SNRNP70: variants seen among roughly 807,000 people sequenced by gnomAD.
SNRNP70 encodes the protein U1 small nuclear ribonucleoprotein 70 kDa.
A neutral mutation model predicts 50.5 loss-of-function variants in SNRNP70; 8 were observed. The observed-to-expected ratio is 0.16, with a 90% confidence interval of 0.09 to 0.29. The LOEUF (loss-of-function observed/expected upper bound fraction) is 0.29. Ranked by LOEUF, SNRNP70 falls within the 10% of genes least tolerant of loss-of-function variation. The pLI, the probability that SNRNP70 is intolerant of heterozygous loss-of-function variation, is 1.00. For missense variants in SNRNP70, 529 were observed against 663.5 expected, an observed-to-expected ratio of 0.80 and a Z score of 2.23; for synonymous variants, 320 against 252.9, an observed-to-expected ratio of 1.27 and a Z score of -2.52.
chr19:49,103,145 G>A (rs748535434), intron 7 of SNRNP70: 1 of 152,668 alleles, frequency 6.6e-6, no homozygotes, highest in African/African-American at 2.4e-5. Context: ...GGTGGGCTGT[G>A]TGCCTAGTTC....
chr19:49,106,703 T>C (rs1290042954), intron 8 of SNRNP70, among the ~76,000 whole-genome samples: 2 of 152,194 alleles, frequency 1.3e-5, no homozygotes, highest in Admixed American at 1.3e-4. Context: ...GCACCTTCTT[T>C]GCTGAGTCAC....
At chr19:49,085,954 G>A (rs889157235) in intron 1 of SNRNP70, among the ~76,000 whole-genome samples, 6 of 152,168 alleles carry the variant, frequency 3.9e-5, no homozygotes, top group African/African-American at 1.2e-4. Flanking sequence ...ACAAGCACTT[G>A]GTTTTGGGGC....
chr19:49,095,215 G>T (rs2040497933), intron 4 of SNRNP70, among the ~76,000 whole-genome samples: 1 of 152,228 alleles, frequency 6.6e-6, no homozygotes, highest in Admixed American at 6.5e-5. Context: ...CAGTGTGCTG[G>T]GGTGGTTTCC....
intron 2 of SNRNP70, among the ~76,000 whole-genome samples, chr19:49,088,427 C>A (rs1038396519): frequency 3.3e-5 from 5 of 150,900 alleles, no homozygotes; most frequent in Non-Finnish European, 7.4e-5. Flanking sequence ...TCTTGATCTC[C>A]TGACCTTGTG....
Position 49,096,604 on chromosome 19 carries a change from A to G in SNRNP70, c.266-1823A>G, listed in dbSNP as rs139293514. ...AACATAGTGAAACCCCGTCTCTACTAAAAATACAAAAGATTAGCTGGGTGT... is the reference window on the plus strand; with the variant it reads ...AACATAGTGAAACCCCGTCTCTACTGAAAATACAAAAGATTAGCTGGGTGT... On this transcript the variant is annotated intron_variant, in intron 4 of 9. Coordinates refer to ENST00000598441, the MANE Select transcript of SNRNP70 (RefSeq NM_003089.6). Among the ~76,000 whole-genome samples the G allele has an allele frequency of 2.0e-3, 303 of 150,722 alleles. 1 individual carries two copies. Among genetic ancestry groups the G allele is most frequent in the Middle Eastern group, 7.1e-3 (2 of 282 alleles).
chr19:49,085,983 C>T (rs912024950), intron 1 of SNRNP70, among the ~76,000 whole-genome samples: 1 of 152,210 alleles, frequency 6.6e-6, no homozygotes, highest in Admixed American at 6.5e-5. Flanking sequence ...TTATGTTTCT[C>T]TTTCTTTGCT....
At chr19:49,106,482 C>A (rs1170487717) in intron 8 of SNRNP70, among the ~76,000 whole-genome samples, 1 of 152,128 alleles carries the variant, frequency 6.6e-6, no homozygotes, top group African/African-American at 2.4e-5. Flanking sequence ...TGGGTCATGA[C>A]CTGAATATAG....
Position 49,108,125 on chromosome 19 carries a change from A to G in SNRNP70, c.996A>G (p.Pro332=), listed in dbSNP as rs768098469. ...AGDAPPDDGP[P]GELGPDGPDG... ...ACGCGCCCCCTGATGATGGGCCTCC[A>G]GGGGAGCTCGGGCCTGACGGCCCTG... is the stretch of plus-strand genomic sequence containing the variant. Residue 332 remains proline, a synonymous_variant, in exon 10 of 10, where the codon CCA becomes CCG. Transcript: ENST00000598441. The G allele has an allele frequency of 3.2e-6, 5 of 1,547,318 alleles. No individual in the cohort carries two copies. The East Asian group carries it at 9.4e-5, about 29-fold the overall frequency.
Position 49,107,304 on chromosome 19 carries a change from T to C in SNRNP70, c.578-321T>C, listed in dbSNP as rs914155308. Among the ~76,000 whole-genome samples the C allele has an allele frequency of 3.3e-5, 5 of 152,198 alleles. No individual in the cohort carries two copies. On this transcript the variant is annotated intron_variant, in intron 8 of 9. Transcript: ENST00000598441. This position sits in a 1 kb window ranked among gnomAD's most constrained non-coding sequence, Gnocchi z 6.0. ...GTGGAAAGATCATTGGCTTCGGGTT[T>C]CTGTGAGGGCGAGGATGATTGGAAG...
At position 49,108,050 on chromosome 19, in the gene SNRNP70, G is replaced by T. The variant is rs1267984054; in HGVS notation, c.921G>T (p.Glu307Asp). ...ERARRERERK[E>D]ELRGGGGDMA... ...CCCGGCGGGAGCGGGAGCGCAAGGAGGAGCTGCGTGGCGGCGGTGGCGACA... is the reference window on the plus strand; with the variant it reads ...CCCGGCGGGAGCGGGAGCGCAAGGATGAGCTGCGTGGCGGCGGTGGCGACA... The change falls in exon 10 of 10, where the codon GAG becomes GAT. Residue 307 changes from glutamate (E) to aspartate (D), a missense_variant. Transcript: ENST00000598441. 1 of 1,550,564 alleles carries T rather than the reference G, an allele frequency of 6.4e-7. No homozygotes were observed. Among genetic ancestry groups the T allele is most frequent in the South Asian group, 1.2e-5 (1 of 84,190 alleles).
intron 4 of SNRNP70, among the ~76,000 whole-genome samples, chr19:49,093,840 C>A (rs1383867876): frequency 6.6e-6 from 1 of 150,924 alleles, no homozygotes; most frequent in Non-Finnish European, 1.5e-5. Context: ...CTAAAAATAC[C>A]AAAACAAAAA....
At position 49,104,553 on chromosome 19, in the gene SNRNP70, G is replaced by C. The variant is rs763676352; in HGVS notation, c.476-81G>C. The C allele has an allele frequency of 1.9e-6, 2 of 1,059,530 alleles. No homozygotes were observed. The highest frequency in any genetic ancestry group is 2.8e-6 in the Non-Finnish European group (2 of 703,682). 65.6% of individuals were successfully genotyped at this position (1,059,530 alleles called of 1,614,324 possible). A position where few individuals can be genotyped will look rare whatever the true frequency, so the allele number is the denominator to read the frequency against. ...CGTGATGATGGGGACACGGGGCGGGGATTCTGTAGAGCTGGGCCTGTCCTG... is the reference window on the plus strand; with the variant it reads ...CGTGATGATGGGGACACGGGGCGGGCATTCTGTAGAGCTGGGCCTGTCCTG... On this transcript the variant is annotated intron_variant, in intron 7 of 9. Transcript: ENST00000598441. The surrounding 1 kb of genome is among the most constrained non-coding windows in gnomAD (Gnocchi z 5.4).
intron 7 of SNRNP70, chr19:49,102,295 C>T (rs1400670334): frequency 3.5e-6 from 2 of 573,786 alleles, no homozygotes; most frequent in South Asian, 3.2e-5. Context: ...CCCGTAGCCT[C>T]CCCGCACCCA....
rs767212023 is a variant in SNRNP70 at position 49,090,462 on chromosome 19, A to G, written c.211-4A>G. The G allele has an allele frequency of 1.9e-6, 3 of 1,613,760 alleles. No homozygotes were observed. In the African/African-American group the frequency reaches 4.0e-5, roughly 22 times the overall value. ...ACTTCTCCACCTCCCCTTTCTCCTG[A>G]CAGAGACGGGAAAAGATTGAGCGGC... On this transcript the variant is annotated splice_polypyrimidine_tract_variant and splice_region_variant and intron_variant, in intron 3 of 9. Transcript: ENST00000598441.
At chr19:49,101,351 C>A in intron 6 of SNRNP70, 39 bp from the exon 7 acceptor site, 1 of 1,543,484 alleles carries the variant, frequency 6.5e-7, no homozygotes, top group Non-Finnish European at 9.0e-7. Flanking sequence ...CGGAGCCGCC[C>A]TGTGGCAGGA....
chr19:49,097,413 A>G (rs2040526652), intron 4 of SNRNP70, among the ~76,000 whole-genome samples: 1 of 152,156 alleles, frequency 6.6e-6, no homozygotes, highest in East Asian at 1.9e-4. Context: ...TATATGTCTA[A>G]TGTTCCATTA....
intron 2 of SNRNP70, among the ~76,000 whole-genome samples, chr19:49,086,923 C>T (rs1347145941): frequency 7.3e-5 from 11 of 151,534 alleles, no homozygotes; most frequent in African/African-American, 1.9e-4. Flanking sequence ...CGGTGGCTCA[C>T]GCCTGTAATC....
In SNRNP70 at chr19:49,086,551, G is replaced by A; in HGVS notation, c.137G>A (p.Arg46Gln). ...TATTGTGGCATTGCGCCGTACATTC[G>A]AGAGTTTGAGGTGAGTTCACTGAGC... is the stretch of plus-strand genomic sequence containing the variant. ...QPYCGIAPYI[R>Q]EFEDPRDAPP... The change falls in exon 2 of 10, where the codon CGA becomes CAA. Residue 46 changes from arginine to glutamine, a missense_variant. Arg to Gln is a conservative substitution (Grantham distance 43). This residue lies in a region of SNRNP70 where 149 missense variants were observed against 259.7 expected (regional missense o/e 0.57). Coordinates refer to ENST00000598441, the MANE Select transcript of SNRNP70 (RefSeq NM_003089.6). 6.2e-7 allele frequency: 1 copy of A among 1,613,894 alleles called. No homozygotes were observed. Among genetic ancestry groups the A allele is most frequent in the Non-Finnish European group, 8.5e-7 (1 of 1,179,928 alleles).
intron 2 of SNRNP70, among the ~76,000 whole-genome samples, chr19:49,088,919 C>T (rs1458248505): frequency 1.3e-5 from 2 of 152,138 alleles, no homozygotes; most frequent in South Asian, 2.1e-4. Flanking sequence ...GCCTGGTCAT[C>T]CTCACTGGCA....
Sources: gnomAD v4.1 joint callset for allele counts (sites outside exome capture counted in the v4.1 genomes callset) on GRCh38, gnomAD v4.1.1 for gene constraint, gnomAD v4.1.1 regional missense constraint, Gnocchi (gnomAD v3.1) non-coding constraint, MANE v1.5 for transcripts, NCBI Gene and HGNC (gene_info 2026-07-23, HGNC 2026-07-21) for gene names.